Variants in AKNA observed in about 807,000 individuals in gnomAD.
AKNA encodes the protein microtubule organization protein AKNA.
Under a neutral mutation model 138.8 loss-of-function variants are expected in AKNA, and 67 were observed. The observed-to-expected ratio is 0.48, with a 90% CI of 0.40 to 0.59. The LOEUF (loss-of-function observed/expected upper bound fraction) is 0.59, where lower values mean the gene tolerates loss of function less well. Among genes scored for constraint, AKNA ranks in the 20% least tolerant of loss-of-function variants. The pLI is 0.00. For missense variants in AKNA, 1,813 were observed against 1,880.4 expected (o/e 0.96, Z 0.66); for synonymous variants, 737 against 754.4 (o/e 0.98, Z 0.38).
chr9:114,361,347 G>C (rs1564635743), intron 9 of AKNA, among the ~76,000 whole-genome samples: 1 of 152,156 alleles, frequency 6.6e-6, no homozygotes, highest in East Asian at 1.9e-4. Flanking sequence ...TTCAGGGAAA[G>C]CTTCTCTGAC....
At chr9:114,381,999 G>T (rs1833719324) in intron 1 of AKNA, among the ~76,000 whole-genome samples, 1 of 152,152 alleles carries the variant, frequency 6.6e-6, no homozygotes, top group Non-Finnish European at 1.5e-5. Context: ...GAGCCCAGTG[G>T]CCAGTGCACC....
chr9:114,392,097 C>T (rs1486192208), upstream of AKNA, among the ~76,000 whole-genome samples: 1 of 94,466 alleles, frequency 1.1e-5, no homozygotes, highest in African/African-American at 3.6e-5. Context: ...CAGAGTAAGA[C>T]GCTTGTCAAA....
upstream of AKNA, among the ~76,000 whole-genome samples, chr9:114,397,597 G>A (rs1392225617): frequency 6.6e-6 from 1 of 152,148 alleles, no homozygotes; most frequent in Non-Finnish European, 1.5e-5. Flanking sequence ...ACAAAAGCCC[G>A]GGAAAGGAGC....
intron 21 of AKNA, among the ~76,000 whole-genome samples, chr9:114,340,012 T>C (rs961001637): frequency 1.3e-5 from 2 of 152,184 alleles, no homozygotes; most frequent in Non-Finnish European, 2.9e-5. Flanking sequence ...GGCATGAGAA[T>C]AGCTTGAATC....
At chr9:114,333,926 G>A (rs1457707646), downstream of AKNA, among the ~76,000 whole-genome samples, 9 of 147,172 alleles carry the variant, frequency 6.1e-5, no homozygotes, top group East Asian at 1.9e-4. Flanking sequence ...ATTGTATCAC[G>A]GGGCTGGTTT....
chr9:114,341,620 T>C lies in AKNA; in HGVS notation c.3980A>G (p.Tyr1327Cys), dbSNP rs2787344. 19,535 of 1,613,660 alleles carry C rather than the reference T, an allele frequency of 0.012. 2,072 individuals carry two copies. In the African/African-American group the frequency reaches 0.23, roughly 19 times the overall value. The change falls in exon 21 of 22, where the codon TAT (tyrosine) becomes TGT (cysteine). Residue 1327 changes from tyrosine (Y) to cysteine (C), a missense_variant. By Grantham distance (194) the Tyr-to-Cys change is radical. Transcript: ENST00000374088. The stretch of plus-strand genomic sequence containing the variant: ...TGGTGCTGGGGGCGCTGTTGCCAGA[T>C]ACCACAGTCCGGGGGGTGGGCGTGG... ...SSPRPPPGLW[Y>C]LATAPPAPAP...
chr9:114,364,693 T>C (rs1340748855), intron 6 of AKNA, 74 bp from the exon 7 acceptor site: 23 of 1,497,894 alleles, frequency 1.5e-5, no homozygotes, highest in Non-Finnish European at 2.0e-5. Flanking sequence ...GCCACATCTA[T>C]GCCTTGGTAA....
At chr9:114,366,279 C>CAAAA (rs35834810) in intron 6 of AKNA, among the ~76,000 whole-genome samples, 1 of 127,804 alleles carries the variant, frequency 7.8e-6, no homozygotes, top group South Asian at 2.5e-4. Flanking sequence ...GACTCTGTCT[C>CAAAA]AAAAAAAAAA....
At position 114,337,241 on chromosome 9, in the gene AKNA, G is replaced by A. The variant is rs868453226; in HGVS notation, c.4133C>T (p.Pro1378Leu). 3.8e-6 allele frequency: 6 copies of A among 1,570,556 alleles called. No homozygotes were observed. Among genetic ancestry groups the A allele is most frequent in the Non-Finnish European group, 5.2e-6 (6 of 1,150,172 alleles). ...GTGCCGGTGTCTCCGGGCTGGTGGG[G>A]GAGAGGCTGTGGGCGGCCACTTGGC... Reference protein sequence around the residue: ...PAAKWPPTASPPPARRHRHSI... With the variant: ...PAAKWPPTASLPPARRHRHSI... The change falls in exon 22 of 22, where the codon CCC becomes CTC. Residue 1378 changes from proline (P) to leucine (L), a missense_variant. Pro to Leu is a moderately conservative substitution (Grantham distance 98). Coordinates refer to ENST00000374088, the MANE Select transcript of AKNA (RefSeq NM_001317950.2).
intron 6 of AKNA, among the ~76,000 whole-genome samples, chr9:114,366,657 G>A (rs1832381392): frequency 6.6e-6 from 1 of 151,178 alleles, no homozygotes; most frequent in African/African-American, 2.4e-5. Context: ...AGTAAAGCAA[G>A]GGAAAGAAGG....
At position 114,368,574 on chromosome 9, in the gene AKNA, G is replaced by C; in HGVS notation, c.1438C>G (p.Pro480Ala). The C allele has an allele frequency of 1.4e-6, 2 of 1,396,452 alleles. No homozygotes were observed. Among genetic ancestry groups the C allele is most frequent in the Non-Finnish European group, 1.9e-6 (2 of 1,069,560 alleles). The allele number at this position is 1,396,452 out of a possible 1,614,324, so 86.5% of individuals were successfully genotyped here. Reference sequence around the variant, plus strand: ...GTGTGGATGCTGTGGTTGGGCTGGGGTGGGTCAGAGAACAGGTTCACCTGT... The same window carrying C: ...GTGTGGATGCTGTGGTTGGGCTGGGCTGGGTCAGAGAACAGGTTCACCTGT... Reference protein sequence around the residue: ...GAKVNLFSDPPQPNHSIHTGM... With the variant: ...GAKVNLFSDPAQPNHSIHTGM... Residue 480 changes from proline to alanine, a missense_variant, in exon 5 of 22, where the codon CCC (proline) becomes GCC (alanine). Pro to Ala is a conservative substitution (Grantham distance 27). Transcript: ENST00000374088.
chr9:114,397,216 T>C (rs1183685596), upstream of AKNA, among the ~76,000 whole-genome samples: 2 of 152,144 alleles, frequency 1.3e-5, no homozygotes, highest in African/African-American at 2.4e-5. Context: ...CAAAACACCA[T>C]AGGTTCCGCT....
Position 114,358,031 on chromosome 9 carries a change from T to A in AKNA, c.2629A>T (p.Thr877Ser). The change falls in exon 12 of 22, where the codon ACC (threonine) becomes TCC (serine). Residue 877 changes from threonine to serine, a missense_variant. Physicochemically the swap from Thr to Ser is moderately conservative, Grantham distance 58. Transcript: ENST00000374088. The stretch of plus-strand genomic sequence containing the variant: ...CTTTGGTGGGATGCTGCGGACTTGG[T>A]GCCTGGAGGGTGGGGTGGCACGCCA... ...GPGVPPHPPG[T>S]KSAASHQSSM... 1 of 1,610,632 alleles carries A rather than the reference T, an allele frequency of 6.2e-7. No individual in the cohort carries two copies. Among genetic ancestry groups the A allele is most frequent in the Non-Finnish European group, 8.5e-7 (1 of 1,177,610 alleles).
rs1448572359 is a variant in AKNA at position 114,336,459 on chromosome 9, G to A, written c.*595C>T. 1 of 152,286 alleles carries A rather than the reference G, an allele frequency of 6.6e-6. No individual in the cohort carries two copies. Among genetic ancestry groups the A allele is most frequent in the Non-Finnish European group, 1.5e-5 (1 of 68,094 alleles). 9.4% of individuals were successfully genotyped at this position (152,286 alleles called of 1,614,324 possible). On this transcript the variant is annotated 3_prime_UTR_variant, in exon 22 of 22. Coordinates refer to ENST00000374088, the MANE Select transcript of AKNA (RefSeq NM_001317950.2). Reference sequence around the variant, plus strand: ...TGGCATCCTGGGCACTTTGTAGCTTGTCTGAGGGAAAGGCCTCTGCTGCCA... The same window carrying A: ...TGGCATCCTGGGCACTTTGTAGCTTATCTGAGGGAAAGGCCTCTGCTGCCA...
chr9:114,351,439 A>G (rs920703263), intron 14 of AKNA, among the ~76,000 whole-genome samples: 1 of 152,078 alleles, frequency 6.6e-6, no homozygotes, highest in Non-Finnish European at 1.5e-5. Flanking sequence ...TTCTGGGGAG[A>G]GCATTAATAA....
upstream of AKNA, among the ~76,000 whole-genome samples, chr9:114,395,321 C>T (rs1443803425): frequency 6.6e-6 from 1 of 152,088 alleles, no homozygotes; most frequent in Non-Finnish European, 1.5e-5. Context: ...TCCTGGCTCC[C>T]CTGGCCAACT....
intron 11 of AKNA, among the ~76,000 whole-genome samples, chr9:114,358,698 A>G (rs1831687499): frequency 6.6e-6 from 1 of 152,126 alleles, no homozygotes; most frequent in Non-Finnish European, 1.5e-5. Flanking sequence ...GAGGCATTAA[A>G]GACACCACAG....
Position 114,377,469 on chromosome 9 carries a change from T to G in AKNA, c.338A>C (p.Gln113Pro). 1 of 1,613,402 alleles carries G rather than the reference T, an allele frequency of 6.2e-7. No homozygotes were observed. The highest frequency in any genetic ancestry group is 8.5e-7 in the Non-Finnish European group (1 of 1,179,826). ...SSHEPLAWLP[Q>P]QGRQLDMTEE... ...AGTCATGTCCAGCTGACGGCCCTGC[T>G]GGGGGAGCCAGGCAAGAGGCTCATG... The change falls in exon 3 of 22, where the codon CAG becomes CCG. Residue 113 changes from glutamine (Q) to proline (P), a missense_variant. Gln to Pro is a moderately conservative substitution (Grantham distance 76). Coordinates refer to ENST00000374088, the MANE Select transcript of AKNA (RefSeq NM_001317950.2).
intron 4 of AKNA, among the ~76,000 whole-genome samples, chr9:114,369,747 C>T (rs936012850): frequency 2.0e-5 from 3 of 152,076 alleles, no homozygotes; most frequent in African/African-American, 4.8e-5. Context: ...CCATCATCAC[C>T]GTCAGCACCA....
Sources: gnomAD v4.1 joint callset for allele counts (sites outside exome capture counted in the v4.1 genomes callset) on GRCh38, gnomAD v4.1.1 for gene constraint, MANE v1.5 for transcripts, NCBI Gene and HGNC (gene_info 2026-07-23, HGNC 2026-07-21) for gene names.